Variants in HDAC8 observed in about 807,000 individuals in gnomAD.
HDAC8 encodes histone deacetylase 8, also known as histone deacetylase-like 1.
HDAC8 carries 1 observed loss-of-function variant against 32.2 expected under a neutral mutation model. The ratio of observed to expected loss-of-function variants is 0.03; its 90% CI spans 0.01 to 0.15. HDAC8 has a LOEUF of 0.15. HDAC8 is among the 10% of genes least tolerant of loss of function. The pLI is 1.00. For synonymous variants in HDAC8, 108 were observed against 113.9 expected, an observed-to-expected ratio of 0.95 and a Z score of 0.33; for missense variants, 117 against 300.0, an observed-to-expected ratio of 0.39 and a Z score of 4.51.
At chrX:72,359,720 A>G (rs1359556447) in intron 9 of HDAC8, among the ~76,000 whole-genome samples, 1 of 110,677 alleles carries the variant, frequency 9.0e-6, no homozygotes, top group Non-Finnish European at 1.9e-5. Flanking sequence ...AAAGGCTTGA[A>G]CCAGAGTGAT....
chrX:72,468,611 G>A (rs781852243), intron 7 of HDAC8, among the ~76,000 whole-genome samples: 1 of 111,183 alleles, frequency 9.0e-6, no homozygotes, highest in African/African-American at 3.3e-5. Flanking sequence ...TTAGCACCTC[G>A]TTCACAATTT....
intron 4 of HDAC8, among the ~76,000 whole-genome samples, chrX:72,563,786 G>A (rs1464776088): frequency 9.0e-6 from 1 of 110,911 alleles, no homozygotes; most frequent in Non-Finnish European, 1.9e-5. Flanking sequence ...CTGATCAAAG[G>A]GCATTAATAC....
chrX:72,374,189 G>A (rs952874878), intron 9 of HDAC8, among the ~76,000 whole-genome samples: 1 of 111,173 alleles, frequency 9.0e-6, no homozygotes, highest in African/African-American at 3.3e-5. Context: ...AAAACTACAG[G>A]TGCACACCAA....
chrX:72,489,879 C>T (rs1258485685), intron 6 of HDAC8, among the ~76,000 whole-genome samples: 2 of 111,151 alleles, frequency 1.8e-5, no homozygotes, highest in East Asian at 5.7e-4. Flanking sequence ...TATCCAGAAT[C>T]TACAATGAAC....
chrX:72,509,776 C>A (rs1556021048), intron 4 of HDAC8, among the ~76,000 whole-genome samples: 1 of 110,449 alleles, frequency 9.1e-6, no homozygotes, highest in Admixed American at 9.6e-5. Context: ...CTTGTAATTT[C>A]TTCTATTTCT....
intron 9 of HDAC8, among the ~76,000 whole-genome samples, chrX:72,453,504 G>GAAAGAAAGAAAGAAAGAAAGAAAGA (rs1231857027): frequency 1.1e-4 from 12 of 108,157 alleles, no homozygotes; most frequent in African/African-American, 3.7e-4. Context: ...AAGAAAGAAA[G>GAAAGAAAGAAAGAAAGAAAGAAAGA]AAAGAAAGAA....
chrX:72,460,136 ATT>A (rs1229018854), intron 9 of HDAC8, among the ~76,000 whole-genome samples: 2 of 109,385 alleles, frequency 1.8e-5, no homozygotes, highest in East Asian at 5.8e-4. Flanking sequence ...GATAACTTGC[ATT>A]TTTTTTTCTT....
At position 72,363,002 on chromosome X, in the gene HDAC8, G is replaced by T. The variant is rs66612923; in HGVS notation, c.1006-11164C>A. ...AGTAGAAGAGATAAAAATGAGAAGG[G>T]GCTTAGATTGGGAAGGGGAAGAAGG... On this transcript the variant is annotated intron_variant, in intron 9 of 10. Transcript: ENST00000373573. 3.6e-5 allele frequency among the ~76,000 whole-genome samples: 4 copies of T among 111,393 alleles called. No homozygotes were observed. In the South Asian group the frequency reaches 1.2e-3, roughly 32 times the overall value.
intron 10 of HDAC8, among the ~76,000 whole-genome samples, chrX:72,330,567 T>C (rs782143349): frequency 8.9e-6 from 1 of 112,000 alleles, no homozygotes; most frequent in African/African-American, 3.2e-5. Context: ...GCATTTTCTC[T>C]TGTGAGTACC....
intron 9 of HDAC8, among the ~76,000 whole-genome samples, chrX:72,449,366 G>A (rs1449048552): frequency 9.0e-6 from 1 of 111,153 alleles, no homozygotes; most frequent in Non-Finnish European, 1.9e-5. Flanking sequence ...GTCATAAGTG[G>A]GAGTTGAACA....
rs1030430519 is a variant in HDAC8, at chrX:72,564,548, T to A, written c.437+3341A>T. On this transcript the variant is annotated intron_variant, in intron 4 of 10. Transcript: ENST00000373573. ...TGATAAATATCCATTCACTCTAGTG[T>A]TTAAAATTTGCTTTTTTAAATATTT... is the stretch of plus-strand genomic sequence containing the variant. Among the ~76,000 whole-genome samples the A allele has an allele frequency of 4.4e-5, 5 of 112,505 alleles. No individual in the cohort carries two copies. In the East Asian group the frequency reaches 1.1e-3, roughly 25 times the overall value.
intron 4 of HDAC8, among the ~76,000 whole-genome samples, chrX:72,541,669 T>TA (rs1556043195): frequency 6.3e-5 from 7 of 111,499 alleles, no homozygotes; most frequent in Non-Finnish European, 1.1e-4. Context: ...GTGCTAGAGG[T>TA]AGTGAGAGGT....
intron 4 of HDAC8, among the ~76,000 whole-genome samples, chrX:72,541,112 A>C (rs1173283666): frequency 3.6e-5 from 4 of 111,307 alleles, no homozygotes; most frequent in African/African-American, 1.3e-4. Context: ...CCAATTATCA[A>C]TGGTATGGAG....
chrX:72,571,214 A>G lies in HDAC8; in HGVS notation c.164+843T>C, dbSNP rs782489166. On this transcript the variant is annotated intron_variant, in intron 2 of 10. Coordinates refer to ENST00000373573, the MANE Select transcript of HDAC8 (RefSeq NM_018486.3). ...ACTAGGATTACAGGCGTGAGCCACC[A>G]CGCCCGGCCTTCTTTGGTCTTGATC... 4.7e-4 allele frequency among the ~76,000 whole-genome samples: 52 copies of G among 111,563 alleles called. No individual in the cohort carries two copies. In the East Asian group the frequency reaches 0.011, roughly 24 times the overall value.
chrX:72,544,837 G>A (rs530018830), intron 4 of HDAC8, among the ~76,000 whole-genome samples: 1 of 111,951 alleles, frequency 8.9e-6, no homozygotes, highest in Non-Finnish European at 1.9e-5. Flanking sequence ...TTTTCAGAAA[G>A]AGTCTCAAGG....
intron 10 of HDAC8, among the ~76,000 whole-genome samples, chrX:72,336,357 C>T (rs1555942505): frequency 8.9e-6 from 1 of 112,073 alleles, no homozygotes; most frequent in Non-Finnish European, 1.9e-5. Flanking sequence ...GCATTCAGTA[C>T]ACTCCTCAAC....
At chrX:72,456,574 G>A (rs2047724251) in intron 9 of HDAC8, among the ~76,000 whole-genome samples, 1 of 111,501 alleles carries the variant, frequency 9.0e-6, no homozygotes, top group East Asian at 2.8e-4. Flanking sequence ...CAAGGCAGGC[G>A]AATTACTTGA....
chrX:72,533,725 A>G (rs2050426762), intron 4 of HDAC8, among the ~76,000 whole-genome samples: 1 of 112,050 alleles, frequency 8.9e-6, no homozygotes, highest in Admixed American at 9.5e-5. Context: ...TCAAAAAATC[A>G]ATATAATATA....
rs782717092 is a variant in HDAC8, at chrX:72,457,200, G to C, written c.1005+4804C>G. Among the ~76,000 whole-genome samples, 226 of 111,437 alleles carry C rather than the reference G, an allele frequency of 2.0e-3. 1 individual carries two copies. The highest frequency in any genetic ancestry group is 6.5e-3 in the African/African-American group (200 of 30,746). ...AAAAAGTCTCAGTAAATTAGGAATA[G>C]AAGGGAACTTCCTCAACCTAAAAAA... On this transcript the variant is annotated intron_variant, in intron 9 of 10. Transcript: ENST00000373573.
Sources: gnomAD v4.1 joint callset for allele counts (sites outside exome capture counted in the v4.1 genomes callset) on GRCh38, gnomAD v4.1.1 for gene constraint, MANE v1.5 for transcripts, NCBI Gene and HGNC (gene_info 2026-07-23, HGNC 2026-07-21) for gene names.